RALGPS2: variants seen among roughly 807,000 people sequenced by gnomAD.
The protein encoded by RALGPS2 is Ral GEF with PH domain and SH3 binding motif 2, also known as ras-specific guanine nucleotide-releasing factor RalGPS2.
Under a neutral mutation model 86.8 loss-of-function variants are expected in RALGPS2, and 43 were observed. The ratio of observed to expected loss-of-function variants is 0.50; its 90% CI spans 0.39 to 0.64. The LOEUF (loss-of-function observed/expected upper bound fraction) is 0.64. Among genes scored for constraint, RALGPS2 ranks in the 30% least tolerant of loss-of-function variants. RALGPS2 has a pLI of 0.00. For synonymous variants in RALGPS2, 243 were observed against 231.3 expected (o/e 1.05, Z -0.46); for missense variants, 536 against 694.6 (o/e 0.77, Z 2.57).
chr1:178,859,941 T>C (rs546236101), intron 8 of RALGPS2, among the ~76,000 whole-genome samples: 2 of 151,452 alleles, frequency 1.3e-5, no homozygotes, highest in Non-Finnish European at 2.9e-5. Flanking sequence ...ATGGTCTCGA[T>C]CTCCTGACCT....
At position 178,898,980 on chromosome 1, in the gene RALGPS2, A is replaced by G. The variant is rs538218043; in HGVS notation, c.1524+1224A>G. Among the ~76,000 whole-genome samples the G allele has an allele frequency of 8.5e-5, 13 of 152,132 alleles. No homozygotes were observed. The South Asian group carries it at 2.5e-3, about 29-fold the overall frequency. ...ATTCATTCAGTTCAATTAAATCCTT[A>G]GCTTCATATGGAAAGTAACTTTTCA... On this transcript the variant is annotated intron_variant, in intron 17 of 19. Coordinates refer to ENST00000367635, the MANE Select transcript of RALGPS2 (RefSeq NM_152663.5).
chr1:178,800,638 A>T (rs1654424710), intron 4 of RALGPS2, among the ~76,000 whole-genome samples: 1 of 152,204 alleles, frequency 6.6e-6, no homozygotes, highest in Admixed American at 6.5e-5. Context: ...GTTATGAGTA[A>T]GGCTGGTCAG....
At chr1:178,798,484 G>C (rs936290882) in intron 4 of RALGPS2, among the ~76,000 whole-genome samples, 2 of 152,208 alleles carry the variant, frequency 1.3e-5, no homozygotes, top group South Asian at 4.2e-4. Flanking sequence ...TACCATTAGT[G>C]GTGGTGGAAG....
chr1:178,921,078 A>G lies in RALGPS2; in HGVS notation c.*4719A>G, dbSNP rs1347051257. Reference sequence around the variant, plus strand: ...CTACTGGATGTTAACCTGAATCAAGATGTTCTTTTCACATTTTTTTAAAGG... The same window carrying G: ...CTACTGGATGTTAACCTGAATCAAGGTGTTCTTTTCACATTTTTTTAAAGG... On this transcript the variant is annotated 3_prime_UTR_variant, in exon 20 of 20. Coordinates refer to ENST00000367635, the MANE Select transcript of RALGPS2 (RefSeq NM_152663.5). 1.3e-5 allele frequency: 2 copies of G among 151,992 alleles called. No individual in the cohort carries two copies. The highest frequency in any genetic ancestry group is 3.8e-4 in the East Asian group (2 of 5,200). 9.4% of individuals were successfully genotyped at this position (151,992 alleles called of 1,614,324 possible).
At chr1:178,903,869 T>C (rs537165600) in intron 18 of RALGPS2, among the ~76,000 whole-genome samples, 1 of 152,306 alleles carries the variant, frequency 6.6e-6, no homozygotes, top group Admixed American at 6.5e-5. Context: ...AGATACCCAG[T>C]AGTGGGATTG....
intron 10 of RALGPS2, among the ~76,000 whole-genome samples, chr1:178,879,995 A>G (rs2102368534): frequency 6.6e-6 from 1 of 152,132 alleles, no homozygotes; most frequent in East Asian, 1.9e-4. Context: ...ATTTCTCTTG[A>G]AGCTTCACTC....
At chr1:178,746,308 A>G (rs1405460052) in intron 1 of RALGPS2, among the ~76,000 whole-genome samples, 1 of 152,260 alleles carries the variant, frequency 6.6e-6, no homozygotes, top group Non-Finnish European at 1.5e-5. Flanking sequence ...TACGCTAAGT[A>G]TATGAAAAGA....
rs534868257 is a variant in RALGPS2 at position 178,918,412 on chromosome 1, T to A, written c.*2053T>A. ...GTGGATTTTTTTTATTTCATTTGTTTGTCATAATAAGCTAACGTAGAAATG... is the reference window on the plus strand; with the variant it reads ...GTGGATTTTTTTTATTTCATTTGTTAGTCATAATAAGCTAACGTAGAAATG... On this transcript the variant is annotated 3_prime_UTR_variant, in exon 20 of 20. Transcript: ENST00000367635. 1 of 152,304 alleles carries A rather than the reference T, an allele frequency of 6.6e-6. No individual in the cohort carries two copies. Among genetic ancestry groups the A allele is most frequent in the Non-Finnish European group, 1.5e-5 (1 of 67,984 alleles). The allele number at this position is 152,304 out of a possible 1,614,324, so 9.4% of individuals were successfully genotyped here.
At chr1:178,895,097 A>C (rs1040614568) in intron 16 of RALGPS2, among the ~76,000 whole-genome samples, 6 of 152,050 alleles carry the variant, frequency 3.9e-5, no homozygotes, top group African/African-American at 1.2e-4. Context: ...TGGTGGAACA[A>C]AGCTCTTAAT....
At chr1:178,845,897 A>T (rs1656843414) in intron 8 of RALGPS2, among the ~76,000 whole-genome samples, 1 of 152,230 alleles carries the variant, frequency 6.6e-6, no homozygotes, top group Non-Finnish European at 1.5e-5. Flanking sequence ...GAAGAGATGC[A>T]TATCATTGCC....
At chr1:178,783,362 A>G (rs1246267649) in intron 2 of RALGPS2, among the ~76,000 whole-genome samples, 2 of 152,352 alleles carry the variant, frequency 1.3e-5, no homozygotes, top group African/African-American at 4.8e-5. Context: ...AGAATAGCCC[A>G]GGACTGTAGG....
intron 8 of RALGPS2, among the ~76,000 whole-genome samples, chr1:178,839,148 G>C (rs1656445638): frequency 6.6e-6 from 1 of 152,042 alleles, no homozygotes; most frequent in South Asian, 2.1e-4. Flanking sequence ...TTCAAATTCA[G>C]GAAATACAGA....
intron 1 of RALGPS2, among the ~76,000 whole-genome samples, chr1:178,755,676 G>A (rs1399553275): frequency 6.6e-6 from 1 of 152,130 alleles, no homozygotes; most frequent in African/African-American, 2.4e-5. Flanking sequence ...CTTTTGGTAA[G>A]AACAATTTAT....
At chr1:178,752,283 A>G (rs1441660384) in intron 1 of RALGPS2, among the ~76,000 whole-genome samples, 1 of 151,212 alleles carries the variant, frequency 6.6e-6, no homozygotes, top group African/African-American at 2.4e-5. Flanking sequence ...CTATGGGACT[A>G]TAGGCATGAA....
intron 4 of RALGPS2, 146 bp downstream of exon 4, chr1:178,785,753 C>T (rs933287508): frequency 2.2e-5 from 22 of 994,364 alleles, no homozygotes; most frequent in Non-Finnish European, 2.8e-5. Flanking sequence ...GTTTGGGCCT[C>T]AGAAACCCAC....
chr1:178,885,049 G>T, intron 11 of RALGPS2, 27 bp from the exon 12 acceptor site: 1 of 1,544,076 alleles, frequency 6.5e-7, no homozygotes, highest in South Asian at 1.2e-5. Context: ...GTAATCATTT[G>T]AAAATCTCTT....
chr1:178,898,583 G>A (rs1051621656), intron 17 of RALGPS2, among the ~76,000 whole-genome samples: 1 of 151,868 alleles, frequency 6.6e-6, no homozygotes, highest in African/African-American at 2.4e-5. Flanking sequence ...TTCTTTATCA[G>A]CTATACCCAC....
chr1:178,752,803 C>A (rs1428961083), intron 1 of RALGPS2, among the ~76,000 whole-genome samples: 1 of 152,100 alleles, frequency 6.6e-6, no homozygotes, highest in Non-Finnish European at 1.5e-5. Flanking sequence ...TAAACTGATA[C>A]CAAGGGTCTG....
chr1:178,781,694 G>A (rs755141600), intron 2 of RALGPS2, among the ~76,000 whole-genome samples: 4 of 152,152 alleles, frequency 2.6e-5, no homozygotes, highest in Non-Finnish European at 4.4e-5. Flanking sequence ...AAAACTTGGA[G>A]AAAATTACTG....
Sources: gnomAD v4.1 joint callset for allele counts (sites outside exome capture counted in the v4.1 genomes callset) on GRCh38, gnomAD v4.1.1 for gene constraint, MANE v1.5 for transcripts, NCBI Gene and HGNC (gene_info 2026-07-23, HGNC 2026-07-21) for gene names.